PGCKA1: variants seen among roughly 807,000 people sequenced by gnomAD.
PGCKA1 encodes PDCD10 and GCKIII kinases-associated protein 1.
chr4:37,504,204 A>C, the PGCKA1 span, among the ~76,000 whole-genome samples: 2 of 151,812 alleles, frequency 1.3e-5, no homozygotes, highest in Non-Finnish European at 2.9e-5. Context: ...GCCAACGTAC[A>C]CTCTTGGCAA....
At chr4:37,541,992 C>G in the PGCKA1 span, among the ~76,000 whole-genome samples, 54 of 152,268 alleles carry the variant, frequency 3.5e-4, no homozygotes, top group African/African-American at 1.2e-3. Context: ...TTCACTTACC[C>G]TCCCCTTAAT....
At chr4:37,484,019 C>T in the PGCKA1 span, among the ~76,000 whole-genome samples, 151 of 152,238 alleles carry the variant, frequency 9.9e-4, no homozygotes, top group South Asian at 6.2e-4. Context: ...AAACACTCTT[C>T]CCACATAAAA....
At chr4:37,503,750 CTTT>C in the PGCKA1 span, among the ~76,000 whole-genome samples, 2 of 152,154 alleles carry the variant, frequency 1.3e-5, no homozygotes, top group Non-Finnish European at 2.9e-5. Flanking sequence ...TGTATGTCTT[CTTT>C]TGAGAAATGT....
At chr4:37,550,705 AG>A in the PGCKA1 span, among the ~76,000 whole-genome samples, 1 of 152,228 alleles carries the variant, frequency 6.6e-6, no homozygotes, top group South Asian at 2.1e-4. Context: ...CCAGTACCTG[AG>A]ATTCCAGGAA....
chr4:37,549,894 C>T, the PGCKA1 span, among the ~76,000 whole-genome samples: 5 of 152,086 alleles, frequency 3.3e-5, no homozygotes, highest in African/African-American at 4.8e-5. Flanking sequence ...CCACACAGGC[C>T]GAAGCATGAG....
At chr4:37,514,608 C>T in the PGCKA1 span, among the ~76,000 whole-genome samples, 4 of 152,146 alleles carry the variant, frequency 2.6e-5, no homozygotes, top group East Asian at 5.8e-4. Flanking sequence ...CCCCCACAGA[C>T]TCCTGAAACA....
At chr4:37,542,826 T>A in the PGCKA1 span, among the ~76,000 whole-genome samples, 1 of 152,230 alleles carries the variant, frequency 6.6e-6, no homozygotes, top group Non-Finnish European at 1.5e-5. Context: ...CTCTATTATA[T>A]CATTGCATCT....
At chr4:37,453,382 G>A in the PGCKA1 span, among the ~76,000 whole-genome samples, 3 of 152,152 alleles carry the variant, frequency 2.0e-5, no homozygotes, top group African/African-American at 7.2e-5. Context: ...TAGGGTGCAG[G>A]CGAGTGTGTG....
the PGCKA1 span, among the ~76,000 whole-genome samples, chr4:37,493,461 A>G: frequency 6.6e-6 from 1 of 152,204 alleles, no homozygotes; most frequent in Admixed American, 6.5e-5. Context: ...TGCTTTATCC[A>G]TGGAGTCACA....
the PGCKA1 span, among the ~76,000 whole-genome samples, chr4:37,575,464 A>G: frequency 6.5e-4 from 98 of 151,432 alleles, no homozygotes; most frequent in East Asian, 0.018. Flanking sequence ...TTTTTCCTGT[A>G]GAGTTGTTTA....
At chr4:37,499,773 G>A in the PGCKA1 span, among the ~76,000 whole-genome samples, 2 of 151,442 alleles carry the variant, frequency 1.3e-5, no homozygotes, top group Non-Finnish European at 2.9e-5. Context: ...TTGACATTTT[G>A]AATGGTTTTT....
At chr4:37,553,565 G>GTAACACA in the PGCKA1 span, among the ~76,000 whole-genome samples, 2 of 152,092 alleles carry the variant, frequency 1.3e-5, no homozygotes, top group African/African-American at 4.8e-5. Flanking sequence ...ATTGTAACAT[G>GTAACACA]TACCATTATC....
the PGCKA1 span, among the ~76,000 whole-genome samples, chr4:37,568,392 T>C: frequency 0.27 from 41,558 of 152,180 alleles, 5,789 homozygotes; most frequent in Middle Eastern, 0.39. Context: ...CCTGGCAGCA[T>C]GCACCTCTCA....
At chr4:37,518,013 T>C in the PGCKA1 span, among the ~76,000 whole-genome samples, 17 of 152,358 alleles carry the variant, frequency 1.1e-4, no homozygotes, top group South Asian at 6.2e-4. Flanking sequence ...GAACATGTGA[T>C]GTCTGTCTTT....
the PGCKA1 span, among the ~76,000 whole-genome samples, chr4:37,544,866 G>GT: frequency 2.4e-4 from 35 of 146,950 alleles, no homozygotes; most frequent in Admixed American, 1.7e-3. Context: ...TTGTTTTTTT[G>GT]TTTTTTTTGA....
At chr4:37,500,668 T>C in the PGCKA1 span, among the ~76,000 whole-genome samples, 1 of 152,228 alleles carries the variant, frequency 6.6e-6, no homozygotes, top group Non-Finnish European at 1.5e-5. Flanking sequence ...GGTCCCAAAT[T>C]ATCTTTGTTA....
chr4:37,512,599 A>G, the PGCKA1 span, among the ~76,000 whole-genome samples: 1 of 151,812 alleles, frequency 6.6e-6, no homozygotes, highest in Admixed American at 6.6e-5. Flanking sequence ...GACTACAGGC[A>G]CGGGCCACTA....
At chr4:37,463,510 T>G in the PGCKA1 span, among the ~76,000 whole-genome samples, 1 of 152,118 alleles carries the variant, frequency 6.6e-6, no homozygotes, top group Admixed American at 6.5e-5. Flanking sequence ...ATGGAAGAGA[T>G]CCACTGCAGC....
chr4:37,510,017 G>A, the PGCKA1 span, among the ~76,000 whole-genome samples: 2 of 151,838 alleles, frequency 1.3e-5, no homozygotes, highest in Non-Finnish European at 2.9e-5. Flanking sequence ...GGGAGAGGGA[G>A]AGGGGTTGCA....
Sources: allele counts gnomAD v4.1 joint callset (sites outside exome capture counted in the v4.1 genomes callset), GRCh38; gene constraint gnomAD v4.1.1; transcripts MANE v1.5; gene names NCBI Gene and HGNC (gene_info 2026-07-23, HGNC 2026-07-21).